SLC29A3: variants seen among roughly 807,000 people sequenced by gnomAD.
SLC29A3 encodes the protein equilibrative nucleoside transporter 3.
SLC29A3 carries 18 observed loss-of-function variants against 25.4 expected under a neutral mutation model. That is an observed-to-expected ratio of 0.71 (90% confidence interval 0.49 to 1.05). The LOEUF is 1.05. Among genes scored for constraint, SLC29A3 ranks in the 50% least tolerant of loss-of-function variants. The pLI is 0.00. For missense variants in SLC29A3, 586 were observed against 609.0 expected, an observed-to-expected ratio of 0.96 and a Z score of 0.40; for synonymous variants, 258 against 267.1, an observed-to-expected ratio of 0.97 and a Z score of 0.33.
rs995396756 is a variant in SLC29A3, at chr10:71,363,050, G to C, written c.*442G>C. 2.2e-6 allele frequency: 1 copy of C among 455,094 alleles called. No individual in the cohort carries two copies. Among genetic ancestry groups the C allele is most frequent in the Non-Finnish European group, 4.4e-6 (1 of 227,458 alleles). 28.2% of individuals were successfully genotyped at this position (455,094 alleles called of 1,614,324 possible). ...ATGCTCAGCTCTCCTTACCCTGAAG[G>C]GGTCTCCCTGGAATGGAAGTCCCCT... On this transcript the variant is annotated 3_prime_UTR_variant, in exon 6 of 6. Transcript: ENST00000373189.
At chr10:71,377,454 C>G (rs1847261445) in intron 4 of SLC29A3, among the ~76,000 whole-genome samples, 1 of 152,126 alleles carries the variant, frequency 6.6e-6, no homozygotes, top group Non-Finnish European at 1.5e-5. Context: ...GGCAGGCAAA[C>G]AGCCACCGGC....
At chr10:71,333,323 C>A (rs1230313425) in intron 2 of SLC29A3, among the ~76,000 whole-genome samples, 2 of 152,258 alleles carry the variant, frequency 1.3e-5, no homozygotes, top group Admixed American at 6.5e-5. Flanking sequence ...CAGAGGACAG[C>A]TGCTGTTTCT....
intron 2 of SLC29A3, 42 bp downstream of exon 2, chr10:71,323,096 G>GT: frequency 1.2e-6 from 2 of 1,608,222 alleles, no homozygotes; most frequent in Non-Finnish European, 8.5e-7. Flanking sequence ...GGAGCATACA[G>GT]AGGCCTCATG....
At chr10:71,356,331 T>G (rs1443483744) in intron 5 of SLC29A3, 88 bp downstream of exon 5, 1 of 1,518,036 alleles carries the variant, frequency 6.6e-7, no homozygotes, top group East Asian at 2.3e-5. Flanking sequence ...TATGCTGGCT[T>G]CTTTGTCTAG....
chr10:71,324,137 G>A (rs1845914567), intron 2 of SLC29A3, among the ~76,000 whole-genome samples: 2 of 152,182 alleles, frequency 1.3e-5, no homozygotes, highest in African/African-American at 4.8e-5. Context: ...AAGAGGAGAT[G>A]GGGATTTATA....
intron 2 of SLC29A3, among the ~76,000 whole-genome samples, chr10:71,327,189 A>G (rs1342874868): frequency 1.3e-5 from 2 of 152,208 alleles, no homozygotes; most frequent in Non-Finnish European, 2.9e-5. Context: ...AGCTTGACCC[A>G]GGAGGAAGGT....
chr10:71,352,959 T>C (rs999032283), intron 4 of SLC29A3: 2 of 152,258 alleles, frequency 1.3e-5, no homozygotes, highest in African/African-American at 2.4e-5. Context: ...ATTTGCCCAC[T>C]GACAGCAATT....
chr10:71,324,640 T>C (rs1297878090), intron 2 of SLC29A3, among the ~76,000 whole-genome samples: 1 of 151,954 alleles, frequency 6.6e-6, no homozygotes, highest in African/African-American at 2.4e-5. Flanking sequence ...ATTAGTGGAG[T>C]TCAAAACCTG....
In SLC29A3 at chr10:71,362,194, C is replaced by T. The variant is rs751370137; in HGVS notation, c.1014C>T (p.Gly338=). 2 of 1,614,156 alleles carry T rather than the reference C, an allele frequency of 1.2e-6. No homozygotes were observed. The highest frequency in any genetic ancestry group is 1.1e-5 in the South Asian group (1 of 91,086). ...TCGAGTCCCTCAACAAGGGTTCGGG[C>T]TCACTGTGGACCACCAAGTTTTTCA... ...TNIESLNKGS[G]SLWTTKFFIP... The change falls in exon 6 of 6, where the codon GGC becomes GGT. Residue 338 remains glycine (G), a synonymous_variant. Coordinates refer to ENST00000373189, the MANE Select transcript of SLC29A3 (RefSeq NM_018344.6).
intron 3 of SLC29A3, among the ~76,000 whole-genome samples, chr10:71,369,713 C>A (rs1164502777): frequency 6.6e-6 from 1 of 152,198 alleles, no homozygotes; most frequent in Non-Finnish European, 1.5e-5. Context: ...AGGCACTGAC[C>A]ATTGAGCAGC....
rs1367702381 is a variant in SLC29A3 at position 71,363,130 on chromosome 10, G to A, written c.*522G>A. 2.3e-6 allele frequency: 1 copy of A among 439,372 alleles called. No homozygotes were observed. Among genetic ancestry groups the A allele is most frequent in the Non-Finnish European group, 4.6e-6 (1 of 218,896 alleles). 27.2% of individuals were successfully genotyped at this position (439,372 alleles called of 1,614,324 possible). On this transcript the variant is annotated 3_prime_UTR_variant, in exon 6 of 6. Transcript: ENST00000373189. The stretch of plus-strand genomic sequence containing the variant: ...AAGTGTGCACAGACCCCTGTGTTCT[G>A]TGGGTGAACAACTGCCCACTAACCA...
intron 5 of SLC29A3, among the ~76,000 whole-genome samples, chr10:71,357,452 T>C (rs1846945607): frequency 6.6e-6 from 1 of 151,756 alleles, no homozygotes; most frequent in Non-Finnish European, 1.5e-5. Context: ...AGTCTCACTA[T>C]GTTGCCCAGG....
intron 2 of SLC29A3, among the ~76,000 whole-genome samples, chr10:71,325,862 G>T (rs991571036): frequency 6.6e-6 from 1 of 151,510 alleles, no homozygotes; most frequent in East Asian, 1.9e-4. Context: ...ACTGGACAGG[G>T]CTTGGCTGTG....
chr10:71,320,149 G>C (rs1249820878), intron 1 of SLC29A3, among the ~76,000 whole-genome samples: 2 of 152,194 alleles, frequency 1.3e-5, no homozygotes, highest in Non-Finnish European at 2.9e-5. Flanking sequence ...TTGACAAATA[G>C]ACGCTAGGAA....
At chr10:71,336,987 C>T (rs557055216) in intron 2 of SLC29A3, among the ~76,000 whole-genome samples, 1 of 152,300 alleles carries the variant, frequency 6.6e-6, no homozygotes, top group South Asian at 2.1e-4. Context: ...TGGGGACCCT[C>T]TTCCTTAGGG....
intron 5 of SLC29A3, among the ~76,000 whole-genome samples, chr10:71,359,939 T>G (rs1847011796): frequency 6.6e-6 from 1 of 152,188 alleles, no homozygotes; most frequent in Admixed American, 6.5e-5. Context: ...GGGAAAGTGA[T>G]CTAAGCTTTC....
chr10:71,372,910 G>A (rs1406651335), intron 3 of SLC29A3, among the ~76,000 whole-genome samples: 2 of 152,104 alleles, frequency 1.3e-5, no homozygotes, highest in African/African-American at 2.4e-5. Flanking sequence ...GAGGGAGGAG[G>A]GACAGGGGCG....
downstream of SLC29A3, among the ~76,000 whole-genome samples, chr10:71,367,224 T>C (rs1014656583): frequency 3.3e-5 from 5 of 152,036 alleles, no homozygotes; most frequent in South Asian, 2.1e-4. Context: ...CTGGAGATGA[T>C]AGACTAAGTT....
chr10:71,372,474 C>G (rs1281090848), intron 3 of SLC29A3, among the ~76,000 whole-genome samples: 2 of 152,196 alleles, frequency 1.3e-5, no homozygotes, highest in Admixed American at 1.3e-4. Flanking sequence ...TATCCACTCC[C>G]AGAGTCCCTG....
Sources: allele counts gnomAD v4.1 joint callset (sites outside exome capture counted in the v4.1 genomes callset), GRCh38; gene constraint gnomAD v4.1.1; transcripts MANE v1.5; gene names NCBI Gene and HGNC (gene_info 2026-07-23, HGNC 2026-07-21).